PPP6C: variants seen among roughly 807,000 people sequenced by gnomAD.
PPP6C encodes the protein serine/threonine-protein phosphatase 6 catalytic subunit.
Under a neutral mutation model 39.8 loss-of-function variants are expected in PPP6C, and 11 were observed. That is an observed-to-expected ratio of 0.28 (90% CI 0.17 to 0.46). The LOEUF (loss-of-function observed/expected upper bound fraction) is 0.46, where lower values mean the gene tolerates loss of function less well. Among genes scored for constraint, PPP6C ranks in the 20% least tolerant of loss-of-function variants. The pLI is 1.00. For synonymous variants in PPP6C, 129 were observed against 130.3 expected, an observed-to-expected ratio of 0.99 and a Z score of 0.07; for missense variants, 211 against 373.9, an observed-to-expected ratio of 0.56 and a Z score of 3.59.
At chr9:125,179,708 T>G (rs1160668227) in intron 1 of PPP6C, among the ~76,000 whole-genome samples, 1 of 149,974 alleles carries the variant, frequency 6.7e-6, no homozygotes, top group Non-Finnish European at 1.5e-5. Flanking sequence ...CAGGCTGGAG[T>G]GCAATGGCGT....
At chr9:125,162,617 C>T (rs1366590081) in intron 2 of PPP6C, among the ~76,000 whole-genome samples, 4 of 150,730 alleles carry the variant, frequency 2.7e-5, no homozygotes, top group African/African-American at 9.8e-5. Flanking sequence ...ACTAAAAATA[C>T]AAAAATTAGC....
Position 125,146,674 on chromosome 9 carries a change from CT to C in PPP6C, c.*2998del, listed in dbSNP as rs1490404164. The C allele has an allele frequency of 6.6e-6, 1 of 152,154 alleles. No individual in the cohort carries two copies. Among genetic ancestry groups the C allele is most frequent in the Admixed American group, 6.5e-5 (1 of 15,270 alleles). 9.4% of individuals were successfully genotyped at this position (152,154 alleles called of 1,614,324 possible). A position where few individuals can be genotyped will look rare whatever the true frequency, so the allele number is the denominator to read the frequency against. ...AATTTTTTGACAAACTTCCTGTAAT[CT>C]TTTTATTAATTTACACTGAGGGAAT... On this transcript the variant is annotated 3_prime_UTR_variant, in exon 7 of 7. Coordinates refer to ENST00000373547, the MANE Select transcript of PPP6C (RefSeq NM_002721.5).
Position 125,160,828 on chromosome 9 carries a change from G to A in PPP6C, c.237+13C>T. 1 of 1,537,136 alleles carries A rather than the reference G, an allele frequency of 6.5e-7. No individual in the cohort carries two copies. Among genetic ancestry groups the A allele is most frequent in the Non-Finnish European group, 8.8e-7 (1 of 1,133,892 alleles). On this transcript the variant is annotated intron_variant, in intron 3 of 6. Coordinates refer to ENST00000373547, the MANE Select transcript of PPP6C (RefSeq NM_002721.5). ...TTTTAAACAAGCACTTGATATCACT[G>A]GTGTTTACATACCATAAATATGTAG... is the stretch of plus-strand genomic sequence containing the variant.
intron 6 of PPP6C, chr9:125,151,281 C>A: frequency 6.7e-7 from 1 of 1,496,044 alleles, no homozygotes; most frequent in Non-Finnish European, 9.3e-7. Context: ...GATCTGGTGG[C>A]CATCCTTGCG....
intron 1 of PPP6C, among the ~76,000 whole-genome samples, chr9:125,187,355 T>C (rs957147150): frequency 6.6e-6 from 1 of 151,518 alleles, no homozygotes; most frequent in African/African-American, 2.4e-5. Context: ...CCCGGCTCAC[T>C]GCAAGCAATT....
rs535765750 is a variant in PPP6C, at chr9:125,188,818, A to AATAATAAT, written c.75+825_75+826insATTATTAT. The stretch of plus-strand genomic sequence containing the variant: ...CAATAATAATAATAATAATAATAAT[A>AATAATAAT]ATTAAAAAGTTTTAAAAAAGAAAAG... On this transcript the variant is annotated intron_variant, in intron 1 of 6. Transcript: ENST00000373547. 1,023 of 423,806 alleles carry AATAATAAT rather than the reference A, an allele frequency of 2.4e-3. 2 individuals carry two copies. Among genetic ancestry groups the AATAATAAT allele is most frequent in the Middle Eastern group, 9.9e-3 (12 of 1,208 alleles). The allele number at this position is 423,806 out of a possible 1,614,324, so 26.3% of individuals were successfully genotyped here.
intron 2 of PPP6C, among the ~76,000 whole-genome samples, chr9:125,165,526 A>C (rs1432526037): frequency 6.6e-6 from 1 of 152,226 alleles, no homozygotes; most frequent in African/African-American, 2.4e-5. Flanking sequence ...CATTTTCACA[A>C]ATCTCTTCAA....
At chr9:125,189,466 T>C in intron 1 of PPP6C, 178 bp downstream of exon 1, 2 of 1,438,138 alleles carry the variant, frequency 1.4e-6, no homozygotes, top group Non-Finnish European at 1.8e-6. Flanking sequence ...GGGACAGCAT[T>C]CGACGACTCG....
intron 2 of PPP6C, among the ~76,000 whole-genome samples, chr9:125,165,363 C>T (rs895080582): frequency 6.6e-6 from 1 of 152,004 alleles, no homozygotes; most frequent in African/African-American, 2.4e-5. Context: ...CACACCATTG[C>T]ACTGCAGTCT....
At chr9:125,163,923 C>A (rs1445882782) in intron 2 of PPP6C, among the ~76,000 whole-genome samples, 1 of 151,066 alleles carries the variant, frequency 6.6e-6, no homozygotes, top group Non-Finnish European at 1.5e-5. Context: ...TCTCAGCTCA[C>A]TGCAACCTCC....
At chr9:125,182,089 C>G (rs55804655) in intron 1 of PPP6C, among the ~76,000 whole-genome samples, 5 of 152,178 alleles carry the variant, frequency 3.3e-5, no homozygotes, top group Non-Finnish European at 7.3e-5. Context: ...CAACTACTTT[C>G]TAATCCTTGA....
At chr9:125,184,966 C>CAAAAAAAAA (rs34609209) in intron 1 of PPP6C, among the ~76,000 whole-genome samples, 2 of 70,068 alleles carry the variant, frequency 2.9e-5, no homozygotes, top group East Asian at 8.6e-4. Context: ...GATTCAGTCT[C>CAAAAAAAAA]AAAAAAAAAA....
chr9:125,170,897 T>C (rs888320685), intron 2 of PPP6C, among the ~76,000 whole-genome samples, 188 bp downstream of exon 2: 1 of 152,234 alleles, frequency 6.6e-6, no homozygotes, highest in African/African-American at 2.4e-5. Flanking sequence ...CCATCACTAA[T>C]TTGACCACTG....
intron 4 of PPP6C, among the ~76,000 whole-genome samples, chr9:125,155,316 C>T (rs1047821115): frequency 1.3e-5 from 2 of 151,668 alleles, no homozygotes; most frequent in Non-Finnish European, 2.9e-5. Context: ...ATCACTATTG[C>T]CTTAAGTGAA....
chr9:125,178,403 G>A (rs956460459), intron 1 of PPP6C, among the ~76,000 whole-genome samples: 3 of 151,142 alleles, frequency 2.0e-5, no homozygotes, highest in East Asian at 3.9e-4. Context: ...CTAATGACAC[G>A]GAAGGTAGAG....
At chr9:125,159,850 T>G (rs1022203030) in intron 3 of PPP6C, among the ~76,000 whole-genome samples, 2 of 152,102 alleles carry the variant, frequency 1.3e-5, no homozygotes, top group Non-Finnish European at 2.9e-5. Context: ...AGTGAAATCC[T>G]GTCTCTACTA....
chr9:125,153,093 T>C (rs1835991233), intron 6 of PPP6C, among the ~76,000 whole-genome samples: 1 of 151,436 alleles, frequency 6.6e-6, no homozygotes, highest in African/African-American at 2.4e-5. Flanking sequence ...GCCAACACGG[T>C]GAAATCCCAT....
chr9:125,157,850 T>C (rs10986586), intron 4 of PPP6C, among the ~76,000 whole-genome samples: 2,303 of 151,872 alleles, frequency 0.015, 109 homozygotes, highest in Admixed American at 0.083. Context: ...ACCACCACGC[T>C]CAGCTCATTT....
chr9:125,168,099 G>A (rs1257420741), intron 2 of PPP6C, among the ~76,000 whole-genome samples: 1 of 152,170 alleles, frequency 6.6e-6, no homozygotes, highest in Non-Finnish European at 1.5e-5. Context: ...TAAGGCACGA[G>A]CAGTTTTACC....
Sources: allele counts gnomAD v4.1 joint callset (sites outside exome capture counted in the v4.1 genomes callset), GRCh38; gene constraint gnomAD v4.1.1; transcripts MANE v1.5; gene names NCBI Gene and HGNC (gene_info 2026-07-23, HGNC 2026-07-21).